ZNF846: variants seen among roughly 807,000 people sequenced by gnomAD.
ZNF846 encodes zinc finger protein 846.
ZNF846 carries 15 observed loss-of-function variants against 16.0 expected under a neutral mutation model. That is an observed-to-expected ratio of 0.94 (90% CI 0.63 to 1.45). The LOEUF (loss-of-function observed/expected upper bound fraction) is 1.45. Among genes scored for constraint, ZNF846 ranks in the 40% most tolerant of loss-of-function variants. The pLI, the probability that ZNF846 is intolerant of heterozygous loss-of-function variation, is 0.00. For synonymous variants in ZNF846, 229 were observed against 212.0 expected, an observed-to-expected ratio of 1.08 and a Z score of -0.70; for missense variants, 714 against 622.3, an observed-to-expected ratio of 1.15 and a Z score of -1.57.
chr19:9,783,719 T>C (rs2045529460), intron 1 of ZNF846, among the ~76,000 whole-genome samples: 2 of 151,012 alleles, frequency 1.3e-5, no homozygotes, highest in Non-Finnish European at 3.0e-5. Context: ...AGACAGGGTC[T>C]TACTCTGTCG....
At position 9,763,962 on chromosome 19, in the gene ZNF846, G is replaced by A. The variant is rs188737481; in HGVS notation, c.16-554C>T. ...AAAATTGCATGCAGGATTGTGTAAA[G>A]ACAATGCCAGGTTGGACTGCCAGAA... is the stretch of plus-strand genomic sequence containing the variant. On this transcript the variant is annotated intron_variant, in intron 2 of 5. Coordinates refer to ENST00000397902, the Ensembl canonical transcript of ZNF846. Among the ~76,000 whole-genome samples, 35 of 152,318 alleles carry A rather than the reference G, an allele frequency of 2.3e-4. No individual in the cohort carries two copies. In the East Asian group the frequency reaches 6.0e-3, roughly 26 times the overall value.
At chr19:9,756,157 A>T (rs1003329095), downstream of ZNF846, 15 of 150,226 alleles carry the variant, frequency 1.0e-4, no homozygotes, top group Non-Finnish European at 1.6e-4. Flanking sequence ...ATATTTTCAC[A>T]TTCATATAGC....
intron 1 of ZNF846, among the ~76,000 whole-genome samples, chr19:9,782,647 G>C (rs1254992518): frequency 6.6e-6 from 1 of 151,576 alleles, no homozygotes; most frequent in African/African-American, 2.4e-5. Context: ...TGCACCACCA[G>C]GGGAAGAAAG....
At chr19:9,773,404 A>G (rs1599399055), upstream of ZNF846, among the ~76,000 whole-genome samples, 1 of 152,166 alleles carries the variant, frequency 6.6e-6, no homozygotes, top group South Asian at 2.1e-4. Flanking sequence ...GCCTGTACCT[A>G]TAGCTGAGTG....
At chr19:9,763,084 G>C (rs1434788351) in intron 3 of ZNF846, among the ~76,000 whole-genome samples, 198 bp downstream of exon 3, 1 of 151,500 alleles carries the variant, frequency 6.6e-6, no homozygotes, top group Admixed American at 6.6e-5. Context: ...GGGGGGCTTT[G>C]CAGTAAGCAG....
At chr19:9,780,564 C>A (rs13343291) in intron 1 of ZNF846, among the ~76,000 whole-genome samples, 1 of 152,076 alleles carries the variant, frequency 6.6e-6, no homozygotes, top group Admixed American at 6.6e-5. Flanking sequence ...ATTCTCCTGC[C>A]TCAGTCTCCC....
downstream of ZNF846, among the ~76,000 whole-genome samples, chr19:9,757,290 C>A (rs1260976065): frequency 6.6e-6 from 1 of 151,656 alleles, no homozygotes; most frequent in Admixed American, 6.6e-5. Flanking sequence ...AGTTCTTACA[C>A]TTTATAAGAT....
intron 5 of ZNF846, 55 bp downstream of exon 5, chr19:9,759,805 T>A: frequency 2.2e-6 from 3 of 1,359,060 alleles, no homozygotes; most frequent in Non-Finnish European, 1.0e-6. Context: ...ATAATTTTCA[T>A]GAATATTGTG....
At position 9,758,075 on chromosome 19, in the gene ZNF846, T is replaced by G. The variant is rs761469745; in HGVS notation, c.1002A>C (p.Gly334=). The G allele has an allele frequency of 9.9e-6, 16 of 1,613,586 alleles. No individual in the cohort carries two copies. In the South Asian group the frequency reaches 1.6e-4, roughly 17 times the overall value. Residue 334 remains glycine, a synonymous_variant, in exon 6 of 6, where the codon GGA becomes GGC. Coordinates refer to ENST00000397902, the Ensembl canonical transcript of ZNF846. ...ACTCCTTACATTCATATGGCTTTTC[T>G]CCAGTGTGAATTCGCATGTGTAAAA...
chr19:9,773,153 G>A (rs1036436011), upstream of ZNF846, among the ~76,000 whole-genome samples: 1 of 152,136 alleles, frequency 6.6e-6, no homozygotes, highest in African/African-American at 2.4e-5. Context: ...AGATGCTGAT[G>A]AAGCCTTTGG....
chr19:9,771,695 G>C (rs915032950), upstream of ZNF846, among the ~76,000 whole-genome samples: 1 of 151,944 alleles, frequency 6.6e-6, no homozygotes, highest in African/African-American at 2.4e-5. Context: ...CTTATTAGTT[G>C]ATGGGCATTG....
chr19:9,760,503 C>T (rs1470799111), intron 4 of ZNF846, among the ~76,000 whole-genome samples: 1 of 151,098 alleles, frequency 6.6e-6, no homozygotes, highest in African/African-American at 2.5e-5. Flanking sequence ...GAGTTCGAGA[C>T]CAGCCCGGCC....
downstream of ZNF846, chr19:9,755,749 G>A (rs866854106): frequency 2.1e-4 from 22 of 105,544 alleles, no homozygotes; most frequent in African/African-American, 4.4e-4. Context: ...GCAGTGAGCC[G>A]AGATCCCGCC....
intron 1 of ZNF846, among the ~76,000 whole-genome samples, 171 bp downstream of exon 1, chr19:9,768,118 C>T (rs1353149592): frequency 6.6e-6 from 1 of 152,186 alleles, no homozygotes; most frequent in Non-Finnish European, 1.5e-5. Flanking sequence ...ATCTCAAAAA[C>T]ACAGCGGAGT....
rs777632385 is a variant in ZNF846, at chr19:9,759,844, C to T, written c.312+16G>A. 2 of 1,584,084 alleles carry T rather than the reference C, an allele frequency of 1.3e-6. No homozygotes were observed. Among genetic ancestry groups the T allele is most frequent in the South Asian group, 2.2e-5 (2 of 89,952 alleles). On this transcript the variant is annotated intron_variant, in intron 5 of 5. Coordinates refer to ENST00000397902, the Ensembl canonical transcript of ZNF846. ...CTTGTCCTAGTGTGGAAGATTTCAT[C>T]CCTTGGAAATCTTACCAATTGTACT...
exon 6 of ZNF846, chr19:9,757,765 T>A: frequency 6.2e-7 from 1 of 1,613,586 alleles, no homozygotes; most frequent in Non-Finnish European, 8.5e-7. Context: ...AAATGGGTAC[T>A]AAGGCCCGAG....
chr19:9,755,687 C>T (rs2045126066), downstream of ZNF846: 1 of 143,070 alleles, frequency 7.0e-6, no homozygotes. Context: ...GTAGTCCCAG[C>T]TACTTGGGAG....
At chr19:9,753,517 G>T (rs913599161), downstream of ZNF846, among the ~76,000 whole-genome samples, 1 of 150,606 alleles carries the variant, frequency 6.6e-6, no homozygotes, top group East Asian at 1.9e-4. Flanking sequence ...GCCTCCCAAA[G>T]TGCTGGGATT....
upstream of ZNF846, among the ~76,000 whole-genome samples, chr19:9,773,209 T>C (rs2045403376): frequency 6.6e-6 from 1 of 152,194 alleles, no homozygotes; most frequent in Non-Finnish European, 1.5e-5. Flanking sequence ...ATTATTGTTG[T>C]TTGAGATAGG....
Sources: allele counts gnomAD v4.1 joint callset (sites outside exome capture counted in the v4.1 genomes callset), GRCh38; gene constraint gnomAD v4.1.1; transcripts MANE v1.5; gene names NCBI Gene and HGNC (gene_info 2026-07-23, HGNC 2026-07-21).